Variants in MMP26 observed in about 807,000 individuals in gnomAD.
The protein encoded by MMP26 is matrix metallopeptidase 26.
Under a neutral mutation model 31.0 loss-of-function variants are expected in MMP26, and 33 were observed. The observed-to-expected ratio is 1.06, with a 90% CI of 0.81 to 1.42. The LOEUF is 1.42. Among genes scored for constraint, MMP26 ranks in the 40% most tolerant of loss-of-function variants. MMP26 has a pLI of 0.00. For synonymous variants in MMP26, 122 were observed against 114.9 expected, an observed-to-expected ratio of 1.06 and a Z score of -0.40; for missense variants, 347 against 316.1, an observed-to-expected ratio of 1.10 and a Z score of -0.74.
chr11:4,834,217 C>T (rs12786973), intron 2 of MMP26, among the ~76,000 whole-genome samples: 14,692 of 152,162 alleles, frequency 0.097, 849 homozygotes, highest in Middle Eastern at 0.16. Context: ...GATGTGGATT[C>T]TTCCCTTGGA....
At chr11:4,815,609 G>C (rs529129183) in intron 2 of MMP26, among the ~76,000 whole-genome samples, 1 of 151,964 alleles carries the variant, frequency 6.6e-6, no homozygotes, top group South Asian at 2.1e-4. Context: ...AGGGAACACA[G>C]CAAATTTATC....
chr11:4,923,661 C>A, intron 2 of MMP26: 1 of 1,613,876 alleles, frequency 6.2e-7, no homozygotes, highest in South Asian at 1.1e-5. Context: ...ATGCTGAGCA[C>A]GGTGCGAAGG....
intron 1 of MMP26, among the ~76,000 whole-genome samples, chr11:4,765,893 C>A (rs960775825): frequency 2.6e-5 from 4 of 152,208 alleles, no homozygotes; most frequent in African/African-American, 9.7e-5. Context: ...CCTTTTCCAT[C>A]TACTAGGGCA....
chr11:4,894,717 A>C (rs1360819384), intron 2 of MMP26, among the ~76,000 whole-genome samples: 1 of 152,210 alleles, frequency 6.6e-6, no homozygotes, highest in African/African-American at 2.4e-5. Flanking sequence ...GAGGTAAAGA[A>C]GGTAAGAGAC....
chr11:4,833,850 C>T (rs760105299), intron 2 of MMP26, among the ~76,000 whole-genome samples: 11 of 152,114 alleles, frequency 7.2e-5, no homozygotes, highest in Non-Finnish European at 1.5e-4. Context: ...AACTTTGGTG[C>T]TCAATGGTTG....
intron 2 of MMP26, among the ~76,000 whole-genome samples, chr11:4,886,500 T>C (rs1850547615): frequency 6.6e-6 from 1 of 152,048 alleles, no homozygotes; most frequent in African/African-American, 2.4e-5. Context: ...CATTCTATTG[T>C]CATTATCTTC....
At chr11:4,810,461 G>A (rs1849335151) in intron 2 of MMP26, among the ~76,000 whole-genome samples, 1 of 152,166 alleles carries the variant, frequency 6.6e-6, no homozygotes, top group Non-Finnish European at 1.5e-5. Context: ...TCATTAGTGT[G>A]CTACCATCAT....
chr11:4,837,069 AAG>A (rs1361448788), intron 2 of MMP26, among the ~76,000 whole-genome samples: 1 of 152,198 alleles, frequency 6.6e-6, no homozygotes, highest in Non-Finnish European at 1.5e-5. Flanking sequence ...AACAAGATCA[AAG>A]ACAAATACCA....
intron 2 of MMP26, among the ~76,000 whole-genome samples, chr11:4,855,029 C>T (rs1850030483): frequency 3.3e-5 from 5 of 152,292 alleles, no homozygotes; most frequent in African/African-American, 1.2e-4. Flanking sequence ...AACTAACAAA[C>T]ATAAAGGACA....
At chr11:4,921,483 G>A (rs1266639624) in intron 2 of MMP26, among the ~76,000 whole-genome samples, 2 of 152,250 alleles carry the variant, frequency 1.3e-5, no homozygotes, top group East Asian at 3.8e-4. Context: ...GCTTCATCCA[G>A]TATGGAAACA....
intron 1 of MMP26, among the ~76,000 whole-genome samples, chr11:4,713,916 G>C (rs1245151180): frequency 2.6e-5 from 4 of 152,076 alleles, no homozygotes; most frequent in African/African-American, 9.7e-5. Context: ...AGAACATGAA[G>C]TAGAAGGAGA....
chr11:4,860,720 G>T, intron 2 of MMP26: 2 of 309,030 alleles, frequency 6.5e-6, no homozygotes, highest in Admixed American at 4.7e-5. Context: ...GATGATATTT[G>T]TAACACTGTG....
At chr11:4,742,096 A>G (rs529342689) in intron 1 of MMP26, among the ~76,000 whole-genome samples, 7 of 152,356 alleles carry the variant, frequency 4.6e-5, no homozygotes, top group Admixed American at 1.3e-4. Flanking sequence ...TGAGTTTCCA[A>G]TGCTATGTGA....
intron 1 of MMP26, among the ~76,000 whole-genome samples, chr11:4,708,773 GA>G (rs1176262018): frequency 6.7e-6 from 1 of 149,566 alleles, no homozygotes; most frequent in Non-Finnish European, 1.5e-5. Context: ...TGCAGAAATG[GA>G]AAATCAAGAA....
chr11:4,931,513 T>G (rs180770490), intron 2 of MMP26, among the ~76,000 whole-genome samples: 252 of 152,160 alleles, frequency 1.7e-3, no homozygotes, highest in Non-Finnish European at 2.4e-3. Context: ...GTTTTATATA[T>G]AGAGAGATTT....
chr11:4,720,905 AG>A (rs927102675), intron 1 of MMP26, among the ~76,000 whole-genome samples: 3 of 152,152 alleles, frequency 2.0e-5, no homozygotes, highest in Non-Finnish European at 2.9e-5. Flanking sequence ...ATTTCTTCTG[AG>A]GGGCATGATG....
At chr11:4,957,411 A>C (rs555606526) in intron 2 of MMP26, among the ~76,000 whole-genome samples, 1 of 152,300 alleles carries the variant, frequency 6.6e-6, no homozygotes, top group East Asian at 1.9e-4. Flanking sequence ...ATCCAGGTCA[A>C]TTGCTCATCA....
intron 2 of MMP26, among the ~76,000 whole-genome samples, chr11:4,810,603 G>A (rs992393340): frequency 1.3e-5 from 2 of 152,190 alleles, no homozygotes; most frequent in Non-Finnish European, 2.9e-5. Flanking sequence ...GGTTAATGAG[G>A]ATGTTGAGCA....
At chr11:4,846,917 G>A (rs59960284) in intron 2 of MMP26, among the ~76,000 whole-genome samples, 4,645 of 152,154 alleles carry the variant, frequency 0.031, 235 homozygotes, top group African/African-American at 0.11. Flanking sequence ...ATTCTCACTG[G>A]TCAGTAGGTT....
Sources: gnomAD v4.1 joint callset for allele counts (sites outside exome capture counted in the v4.1 genomes callset) on GRCh38, gnomAD v4.1.1 for gene constraint, MANE v1.5 for transcripts, NCBI Gene and HGNC (gene_info 2026-07-23, HGNC 2026-07-21) for gene names.